Variants in SUPT3H observed in about 807,000 individuals in gnomAD.
SUPT3H encodes SPT3 homolog, SAGA and STAGA complex component, also known as transcription initiation protein SPT3 homolog.
Under a neutral mutation model 44.3 loss-of-function variants are expected in SUPT3H, and 44 were observed. The observed-to-expected ratio is 0.99, with a 90% confidence interval of 0.78 to 1.28. SUPT3H has a LOEUF of 1.28. Among genes scored for constraint, SUPT3H ranks in the 50% most tolerant of loss-of-function variants. The pLI, the probability that SUPT3H is intolerant of heterozygous loss-of-function variation, is 0.00. For synonymous variants in SUPT3H, 124 were observed against 125.6 expected, an observed-to-expected ratio of 0.99 and a Z score of 0.09; for missense variants, 380 against 387.1, an observed-to-expected ratio of 0.98 and a Z score of 0.15.
chr6:45,022,481 C>T (rs1217129096), intron 3 of SUPT3H, among the ~76,000 whole-genome samples: 1 of 149,372 alleles, frequency 6.7e-6, no homozygotes, highest in Non-Finnish European at 1.5e-5. Context: ...GAATTTATAT[C>T]ATGGTTATCC....
chr6:45,098,146 AG>A (rs1303826218), intron 3 of SUPT3H: 1 of 155,106 alleles, frequency 6.4e-6, no homozygotes, highest in Non-Finnish European at 1.5e-5. Context: ...AAAAGCAGGA[AG>A]GAACGCAAAA....
In SUPT3H at chr6:45,316,018, T is replaced by C. The variant is rs141526822; in HGVS notation, c.101+49183A>G. On this transcript the variant is annotated intron_variant, in intron 2 of 10. Coordinates refer to ENST00000371459, the MANE Select transcript of SUPT3H (RefSeq NM_003599.4). ...CATACAAAGGAATGAATTAACAGCA[T>C]TTGCAATGACCTGGATGAGATTAGA... 2.6e-3 allele frequency among the ~76,000 whole-genome samples: 390 copies of C among 152,188 alleles called. 3 individuals carry two copies. The highest frequency in any genetic ancestry group is 8.6e-3 in the African/African-American group (356 of 41,518).
chr6:45,316,667 T>C lies in SUPT3H; in HGVS notation c.101+48534A>G, dbSNP rs546346065. The stretch of plus-strand genomic sequence containing the variant: ...GAAATTTTAAAAAACTCATTAACAA[T>C]AGCTACCAAAAAAAGGTAAATACTT... On this transcript the variant is annotated intron_variant, in intron 2 of 10. Transcript: ENST00000371459. Among the ~76,000 whole-genome samples, 325 of 152,138 alleles carry C rather than the reference T, an allele frequency of 2.1e-3. 1 individual carries two copies. The highest frequency in any genetic ancestry group is 7.4e-3 in the African/African-American group (309 of 41,540).
intron 3 of SUPT3H, among the ~76,000 whole-genome samples, chr6:45,027,272 C>T (rs371939548): frequency 1.8e-4 from 28 of 152,122 alleles, no homozygotes; most frequent in African/African-American, 6.3e-4. Context: ...ATTACAGGCA[C>T]GTAGGAGCTA....
At chr6:44,829,966 CAATCTAAT>C in intron 10 of SUPT3H, 109 bp from the exon 11 acceptor site, 1 of 956,984 alleles carries the variant, frequency 1.0e-6, no homozygotes. Flanking sequence ...CTGCTGGCTA[CAATCTAAT>C]AGAATGCTTA....
At chr6:45,105,104 C>CTA (rs1312144092) in intron 3 of SUPT3H, among the ~76,000 whole-genome samples, 2 of 151,456 alleles carry the variant, frequency 1.3e-5, no homozygotes, top group African/African-American at 4.8e-5. Context: ...AAACAGATAC[C>CTA]TATATATATA....
Position 44,954,579 on chromosome 6 carries a change from C to T in SUPT3H, c.609G>A (p.Trp203Ter). 6.2e-7 allele frequency: 1 copy of T among 1,613,056 alleles called. No individual in the cohort carries two copies. The highest frequency in any genetic ancestry group is 1.1e-5 in the South Asian group (1 of 90,520). The change falls in exon 8 of 11, where the codon TGG (tryptophan) becomes TGA (stop). Residue 203 changes from tryptophan (W) to a stop codon, truncating the protein, a stop_gained. Coordinates refer to ENST00000371459, the MANE Select transcript of SUPT3H (RefSeq NM_003599.4). LOFTEE classifies it high-confidence loss of function. ...FSKKASKFRD[W>*]LDCSSMEIKP... ...TTATCTCCATACTGCTGCAGTCCAA[C>T]CAGTCTCGAAATTTGGAAGCTTTTT... is the stretch of plus-strand genomic sequence containing the variant.
chr6:44,899,121 G>A (rs1201604044), intron 10 of SUPT3H: 1 of 152,114 alleles, frequency 6.6e-6, no homozygotes, highest in East Asian at 1.9e-4. Context: ...TTACCTAGAA[G>A]ATTCACACTT....
chr6:45,334,992 G>C (rs1788266569), intron 2 of SUPT3H, among the ~76,000 whole-genome samples: 1 of 151,090 alleles, frequency 6.6e-6, no homozygotes, highest in Non-Finnish European at 1.5e-5. Context: ...GTTAAACAAA[G>C]TATTAGAGTT....
At chr6:45,258,651 C>G (rs981051789) in intron 2 of SUPT3H, among the ~76,000 whole-genome samples, 2 of 152,070 alleles carry the variant, frequency 1.3e-5, no homozygotes, top group Non-Finnish European at 2.9e-5. Flanking sequence ...AAGGAAGCAA[C>G]CATTTCAAAA....
At chr6:45,268,777 G>C (rs1244184255) in intron 2 of SUPT3H, among the ~76,000 whole-genome samples, 1 of 152,136 alleles carries the variant, frequency 6.6e-6, no homozygotes, top group Admixed American at 6.6e-5. Context: ...GATAGTTTCT[G>C]AAAGAAACTT....
chr6:45,101,534 C>G (rs1315112163), intron 3 of SUPT3H, among the ~76,000 whole-genome samples: 1 of 152,100 alleles, frequency 6.6e-6, no homozygotes, highest in African/African-American at 2.4e-5. Context: ...AAGAGTTGTA[C>G]AGAGATAAAC....
intron 3 of SUPT3H, among the ~76,000 whole-genome samples, chr6:45,067,701 C>A (rs1224528229): frequency 6.7e-6 from 1 of 148,764 alleles, no homozygotes. Context: ...AGCCAAGAAA[C>A]ACATGAAAAA....
At chr6:45,067,466 A>T (rs1442715790) in intron 3 of SUPT3H, among the ~76,000 whole-genome samples, 1 of 145,028 alleles carries the variant, frequency 6.9e-6, no homozygotes, top group Middle Eastern at 3.5e-3. Flanking sequence ...GACAACTGGG[A>T]TCTAATTAAA....
chr6:45,377,722 T>C (rs2150337916), intron 1 of SUPT3H, 46 bp downstream of exon 1: 1 of 152,202 alleles, frequency 6.6e-6, no homozygotes, highest in Middle Eastern at 3.4e-3. Context: ...CTCTCTGACG[T>C]CTCCCCCGCC....
intron 2 of SUPT3H, among the ~76,000 whole-genome samples, chr6:45,148,895 G>A (rs906434663): frequency 6.6e-6 from 1 of 152,132 alleles, no homozygotes; most frequent in Non-Finnish European, 1.5e-5. Flanking sequence ...GAGCAAATAT[G>A]TTGCATTTTA....
intron 3 of SUPT3H, among the ~76,000 whole-genome samples, chr6:45,048,573 T>C (rs961432766): frequency 3.9e-5 from 6 of 152,174 alleles, no homozygotes; most frequent in Non-Finnish European, 7.4e-5. Context: ...AAACTTAGTA[T>C]GTTTAAGAGG....
chr6:45,307,785 T>C (rs979512213), intron 2 of SUPT3H, among the ~76,000 whole-genome samples: 11 of 152,006 alleles, frequency 7.2e-5, no homozygotes, highest in Admixed American at 5.2e-4. Flanking sequence ...CTTTGACGAG[T>C]TGAGAGAAGA....
intron 10 of SUPT3H, among the ~76,000 whole-genome samples, chr6:44,843,697 A>C (rs1315177951): frequency 6.6e-6 from 1 of 152,160 alleles, no homozygotes; most frequent in African/African-American, 2.4e-5. Flanking sequence ...TGAAAACTAC[A>C]AAACACTACA....
Sources: allele counts gnomAD v4.1 joint callset (sites outside exome capture counted in the v4.1 genomes callset), GRCh38; gene constraint gnomAD v4.1.1; transcripts MANE v1.5; gene names NCBI Gene and HGNC (gene_info 2026-07-23, HGNC 2026-07-21).